The following RCHY1 variants were observed in gnomAD, a reference collection of about 807,000 sequenced individuals.
The protein encoded by RCHY1 is ring finger and CHY zinc finger domain containing 1.
A neutral mutation model predicts 41.6 loss-of-function variants in RCHY1; 21 were observed. The observed-to-expected ratio is 0.51, with a 90% CI of 0.36 to 0.73. The LOEUF (loss-of-function observed/expected upper bound fraction) is 0.73. Ranked by LOEUF, RCHY1 falls within the 30% of genes least tolerant of loss-of-function variation. The pLI, the probability that RCHY1 is intolerant of heterozygous loss-of-function variation, is 0.00. For synonymous variants in RCHY1, 79 were observed against 102.9 expected, an observed-to-expected ratio of 0.77 and a Z score of 1.41; for missense variants, 265 against 325.3, an observed-to-expected ratio of 0.81 and a Z score of 1.43.
intron 8 of RCHY1, among the ~76,000 whole-genome samples, chr4:75,490,120 G>A (rs1722614610): frequency 6.6e-6 from 1 of 151,974 alleles, no homozygotes; most frequent in Admixed American, 6.6e-5. Context: ...GGTCTCCTGT[G>A]TGCACTCCAT....
chr4:75,514,234 C>T lies in RCHY1; in HGVS notation c.53G>A (p.Arg18Gln), dbSNP rs766486122. Residue 18 changes from arginine to glutamine, a missense_variant, in exon 1 of 9, where the codon CGG becomes CAG. Arg to Gln is a conservative substitution (Grantham distance 43). Transcript: ENST00000324439. ...TCCTCTGTCATAGTGCTCGCAGCCC[C>T]GCTGACCTCGCTCTTGACCGCTGGC... is the stretch of plus-strand genomic sequence containing the variant. ...DGASGQERGQ[R>Q]GCEHYDRGCL... The T allele has an allele frequency of 6.2e-7, 1 of 1,613,308 alleles. No individual in the cohort carries two copies. The highest frequency in any genetic ancestry group is 8.5e-7 in the Non-Finnish European group (1 of 1,179,290).
chr4:75,505,832 T>G (rs1224817181), intron 3 of RCHY1, among the ~76,000 whole-genome samples: 2 of 152,008 alleles, frequency 1.3e-5, no homozygotes, highest in African/African-American at 4.8e-5. Context: ...AGAAAGCAAA[T>G]ATACTGAGGC....
At chr4:75,486,901 C>A (rs972254923) in intron 8 of RCHY1, among the ~76,000 whole-genome samples, 8 of 152,120 alleles carry the variant, frequency 5.3e-5, no homozygotes, top group African/African-American at 1.9e-4. Context: ...ATTGCTTAAA[C>A]CCTGGAGGCA....
At position 75,491,874 on chromosome 4, in the gene RCHY1, A is replaced by C. The variant is rs775623260; in HGVS notation, c.450+15T>G. The C allele has an allele frequency of 1.2e-6, 2 of 1,609,150 alleles. No homozygotes were observed. Among genetic ancestry groups the C allele is most frequent in the South Asian group, 2.2e-5 (2 of 89,892 alleles). On this transcript the variant is annotated intron_variant, in intron 5 of 8. Transcript: ENST00000324439. The stretch of plus-strand genomic sequence containing the variant: ...AGAGCTGAGACTTCCAAAGTAAAAA[A>C]TATTTTAAGCCTACCTCCAAACATA...
At chr4:75,489,862 T>C (rs944365476) in intron 8 of RCHY1, among the ~76,000 whole-genome samples, 8 of 152,248 alleles carry the variant, frequency 5.3e-5, no homozygotes, top group African/African-American at 1.7e-4. Flanking sequence ...ACACTAAAGC[T>C]TCTGGACTTT....
At chr4:75,504,282 C>T (rs1724089247) in intron 3 of RCHY1, among the ~76,000 whole-genome samples, 1 of 151,996 alleles carries the variant, frequency 6.6e-6, no homozygotes, top group African/African-American at 2.4e-5. Context: ...CCTTGAACAA[C>T]ACAAATTTGA....
chr4:75,485,674 A>G (rs1721939465), intron 8 of RCHY1, among the ~76,000 whole-genome samples: 1 of 152,208 alleles, frequency 6.6e-6, no homozygotes, highest in African/African-American at 2.4e-5. Context: ...ATGCATATTT[A>G]GGGCTGCCTA....
intron 8 of RCHY1, among the ~76,000 whole-genome samples, chr4:75,487,592 A>AATATATATTCATATATATTCATAAC (rs1722210770): frequency 1.8e-5 from 1 of 55,560 alleles, no homozygotes; most frequent in Non-Finnish European, 3.0e-5. Flanking sequence ...ATATATTCAT[A>AATATATATTCATATATATTCATAAC]ATATATATTC....
At chr4:75,514,633 G>C (rs1214417644), upstream of RCHY1, 17 of 217,008 alleles carry the variant, frequency 7.8e-5, no homozygotes, top group Admixed American at 8.5e-4. Context: ...TGGCCCCAGA[G>C]GAAAGGACGC....
intron 1 of RCHY1, 76 bp downstream of exon 1, chr4:75,514,121 G>A (rs1441488473): frequency 6.4e-7 from 1 of 1,553,760 alleles, no homozygotes; most frequent in East Asian, 2.3e-5. Flanking sequence ...TTAAATCCAA[G>A]CCTAACCACC....
rs879722391 is a variant in RCHY1 at position 75,508,097 on chromosome 4, C to CA, written c.326+722dup. The stretch of plus-strand genomic sequence containing the variant: ...AAAAACAAACTATATTTTAAAAAAA[C>CA]AAAAAAAACAAAAAAAAAGCAAGAA... On this transcript the variant is annotated intron_variant, in intron 3 of 8. Coordinates refer to ENST00000324439, the MANE Select transcript of RCHY1 (RefSeq NM_015436.4). Among the ~76,000 whole-genome samples, 172 of 146,664 alleles carry CA rather than the reference C, an allele frequency of 1.2e-3. 1 individual carries two copies. Among genetic ancestry groups the CA allele is most frequent in the Admixed American group, 2.1e-3 (31 of 14,860 alleles).
At chr4:75,494,704 G>A (rs973762054) in intron 3 of RCHY1, among the ~76,000 whole-genome samples, 2 of 151,488 alleles carry the variant, frequency 1.3e-5, no homozygotes, top group South Asian at 2.1e-4. Context: ...TATTTTTTAC[G>A]AGATTCCTAG....
chr4:75,512,147 T>C (rs2148783055), intron 1 of RCHY1, among the ~76,000 whole-genome samples: 1 of 152,326 alleles, frequency 6.6e-6, no homozygotes, highest in African/African-American at 2.4e-5. Flanking sequence ...TCACCGTCCT[T>C]GCTGGTTCAT....
intron 1 of RCHY1, among the ~76,000 whole-genome samples, chr4:75,510,499 A>G (rs1724760491): frequency 6.6e-6 from 1 of 152,118 alleles, no homozygotes; most frequent in Non-Finnish European, 1.5e-5. Flanking sequence ...ACCATAACGT[A>G]GTTCATTCCT....
intron 1 of RCHY1, among the ~76,000 whole-genome samples, chr4:75,510,644 G>A (rs1013836112): frequency 6.6e-6 from 1 of 152,092 alleles, no homozygotes; most frequent in Non-Finnish European, 1.5e-5. Context: ...CAAATGGTTT[G>A]GTCTCAGGAT....
intron 3 of RCHY1, among the ~76,000 whole-genome samples, chr4:75,505,357 G>A (rs1046597404): frequency 2.0e-5 from 3 of 152,048 alleles, no homozygotes; most frequent in Non-Finnish European, 2.9e-5. Flanking sequence ...GCACTCCCAG[G>A]TATAGAAATT....
intron 3 of RCHY1, among the ~76,000 whole-genome samples, chr4:75,506,862 A>C (rs1290346887): frequency 6.6e-6 from 1 of 152,124 alleles, no homozygotes; most frequent in African/African-American, 2.4e-5. Context: ...AATACTAACA[A>C]CCAATGACTT....
At position 75,502,511 on chromosome 4, in the gene RCHY1, G is replaced by A. The variant is rs374012222; in HGVS notation, c.326+6309C>T. Among the ~76,000 whole-genome samples, 64 of 152,226 alleles carry A rather than the reference G, an allele frequency of 4.2e-4. 1 individual carries two copies. The highest frequency in any genetic ancestry group is 1.5e-3 in the African/African-American group (64 of 41,534). ...GCCAAGATCGCGCCACTGCACTCCA[G>A]CCTGGGCGCCAGAGTGAGACTCCGT... is the stretch of plus-strand genomic sequence containing the variant. On this transcript the variant is annotated intron_variant, in intron 3 of 8. Coordinates refer to ENST00000324439, the MANE Select transcript of RCHY1 (RefSeq NM_015436.4).
At chr4:75,496,434 A>C (rs1421656255) in intron 3 of RCHY1, among the ~76,000 whole-genome samples, 1 of 152,108 alleles carries the variant, frequency 6.6e-6, no homozygotes, top group Non-Finnish European at 1.5e-5. Context: ...AGAGAGCTGC[A>C]CAGAGAAACC....
Sources: allele counts gnomAD v4.1 joint callset (sites outside exome capture counted in the v4.1 genomes callset), GRCh38; gene constraint gnomAD v4.1.1; transcripts MANE v1.5; gene names NCBI Gene and HGNC (gene_info 2026-07-23, HGNC 2026-07-21).